HS6ST3: variants seen among roughly 807,000 people sequenced by gnomAD.
The protein encoded by HS6ST3 is heparan sulfate 6-O-sulfotransferase 3.
HS6ST3 carries 12 observed loss-of-function variants against 36.7 expected under a neutral mutation model. The observed-to-expected ratio is 0.33, with a 90% CI of 0.21 to 0.53. The LOEUF is 0.53. Ranked by LOEUF, HS6ST3 falls within the 20% of genes least tolerant of loss-of-function variation. The probability of loss-of-function intolerance (pLI) is 0.95; values close to 1 mark genes in which losing one functional copy is unlikely to be tolerated. For missense variants in HS6ST3, 584 were observed against 640.9 expected (o/e 0.91, Z 0.96); for synonymous variants, 240 against 257.5 (o/e 0.93, Z 0.65).
intron 1 of HS6ST3, among the ~76,000 whole-genome samples, chr13:96,197,965 G>T (rs1457668733): frequency 1.3e-5 from 2 of 152,202 alleles, no homozygotes; most frequent in East Asian, 1.9e-4. Flanking sequence ...CCTAACAGAG[G>T]TTCTCTGTGA....
At chr13:96,810,706 G>A (rs1878299781) in intron 1 of HS6ST3, among the ~76,000 whole-genome samples, 1 of 152,180 alleles carries the variant, frequency 6.6e-6, no homozygotes, top group Non-Finnish European at 1.5e-5. Flanking sequence ...AGAAAATAGA[G>A]GGAAAGCATG....
intron 1 of HS6ST3, among the ~76,000 whole-genome samples, chr13:96,341,930 A>T (rs16953103): frequency 0.014 from 2,179 of 152,256 alleles, 26 homozygotes; most frequent in East Asian, 0.054. Flanking sequence ...TGTAATTTAC[A>T]TATTTAGCAG....
chr13:96,744,439 A>G (rs948545504), intron 1 of HS6ST3, among the ~76,000 whole-genome samples: 2 of 152,078 alleles, frequency 1.3e-5, no homozygotes, highest in African/African-American at 4.8e-5. Context: ...ATGATTTTCT[A>G]TTCAGGATAT....
intron 1 of HS6ST3, among the ~76,000 whole-genome samples, chr13:96,731,500 T>A (rs1351196505): frequency 6.6e-6 from 1 of 152,208 alleles, no homozygotes. Context: ...TTTTCATAGA[T>A]ACTTAGGTTG....
At chr13:96,632,117 A>G (rs77380021) in intron 1 of HS6ST3, among the ~76,000 whole-genome samples, 2,961 of 152,238 alleles carry the variant, frequency 0.019, 65 homozygotes, top group Non-Finnish European at 0.027. Context: ...AATGCCTTAT[A>G]AAAGGGCTTA....
chr13:96,108,796 G>T (rs886145654), intron 1 of HS6ST3, among the ~76,000 whole-genome samples: 2 of 152,226 alleles, frequency 1.3e-5, no homozygotes, highest in Admixed American at 1.3e-4. Flanking sequence ...GCCACAGGAA[G>T]TTAAAGAAAG....
chr13:96,697,591 A>T (rs1302943288), intron 1 of HS6ST3, among the ~76,000 whole-genome samples: 1 of 152,190 alleles, frequency 6.6e-6, no homozygotes, highest in Admixed American at 6.5e-5. Flanking sequence ...GACCACCAGA[A>T]ATTTTTTAAA....
chr13:96,407,609 A>G (rs1328056), intron 1 of HS6ST3, among the ~76,000 whole-genome samples: 5,581 of 152,280 alleles, frequency 0.037, 163 homozygotes, highest in Non-Finnish European at 0.056. Context: ...TTAAATCAGT[A>G]GATAAGATTT....
rs570090400 is a variant in HS6ST3 at position 96,537,875 on chromosome 13, C to T, written c.708-294615C>T. 4.6e-5 allele frequency among the ~76,000 whole-genome samples: 7 copies of T among 152,142 alleles called. No individual in the cohort carries two copies. In the South Asian group the frequency reaches 1.5e-3, roughly 32 times the overall value. On this transcript the variant is annotated intron_variant, in intron 1 of 1. Transcript: ENST00000376705. The stretch of plus-strand genomic sequence containing the variant: ...GAGTCTGCCTCTGTTTGCAAAGGCA[C>T]AGGGTAAAATAGAGATTCATCATGG...
At chr13:96,455,750 T>C (rs1027092143) in intron 1 of HS6ST3, among the ~76,000 whole-genome samples, 4 of 152,226 alleles carry the variant, frequency 2.6e-5, no homozygotes, top group African/African-American at 9.6e-5. Context: ...TTTAGAATTT[T>C]GACTTTATTG....
intron 1 of HS6ST3, among the ~76,000 whole-genome samples, chr13:96,644,817 C>G (rs2056582880): frequency 6.6e-6 from 1 of 151,932 alleles, no homozygotes; most frequent in South Asian, 2.1e-4. Flanking sequence ...ATAGACAAAC[C>G]ATGCTTCAAA....
chr13:96,769,437 C>A, intron 1 of HS6ST3, among the ~76,000 whole-genome samples: 1 of 71,952 alleles, frequency 1.4e-5, no homozygotes, highest in Non-Finnish European at 2.5e-5. Context: ...CCAATGCTAT[C>A]CCTCCCCCCT....
In HS6ST3 at chr13:96,555,099, A is replaced by G. The variant is rs187257377; in HGVS notation, c.708-277391A>G. Among the ~76,000 whole-genome samples the G allele has an allele frequency of 1.6e-4, 24 of 152,020 alleles. No homozygotes were observed. The East Asian group carries it at 4.3e-3, about 27-fold the overall frequency. On this transcript the variant is annotated intron_variant, in intron 1 of 1. Transcript: ENST00000376705. Reference sequence around the variant, plus strand: ...TGTCTCAATACATATATACATACATACATACATACATACATGGTTCTGTAT... The same window carrying G: ...TGTCTCAATACATATATACATACATGCATACATACATACATGGTTCTGTAT...
chr13:96,518,170 G>A, intron 1 of HS6ST3, among the ~76,000 whole-genome samples: 1 of 152,090 alleles, frequency 6.6e-6, no homozygotes, highest in East Asian at 1.9e-4. Flanking sequence ...TCCTTGAAAT[G>A]CTTCCTTTCC....
intron 1 of HS6ST3, among the ~76,000 whole-genome samples, chr13:96,567,099 C>A (rs2056284042): frequency 6.6e-6 from 1 of 151,962 alleles, no homozygotes; most frequent in South Asian, 2.1e-4. Context: ...TGTTTAGTAT[C>A]ACTTTCCATT....
At chr13:96,663,268 C>G (rs953010032) in intron 1 of HS6ST3, among the ~76,000 whole-genome samples, 2 of 152,162 alleles carry the variant, frequency 1.3e-5, no homozygotes, top group Non-Finnish European at 1.5e-5. Flanking sequence ...TCAGTTTAGA[C>G]TGTTATTTAT....
chr13:96,736,838 A>C (rs1301780916), intron 1 of HS6ST3, among the ~76,000 whole-genome samples: 2 of 152,204 alleles, frequency 1.3e-5, no homozygotes, highest in Admixed American at 6.5e-5. Context: ...AAATTTTCAA[A>C]ATTTCTTTTA....
At chr13:96,331,464 C>T (rs1438451734) in intron 1 of HS6ST3, among the ~76,000 whole-genome samples, 5 of 152,094 alleles carry the variant, frequency 3.3e-5, no homozygotes, top group South Asian at 2.1e-4. Context: ...GTGCCCCTGC[C>T]GGGGGGATGC....
rs574114872 is a variant in HS6ST3, at chr13:96,806,821, G to T, written c.708-25669G>T. 3.9e-4 allele frequency among the ~76,000 whole-genome samples: 59 copies of T among 152,248 alleles called. No individual in the cohort carries two copies. In the South Asian group the frequency reaches 0.012, roughly 30 times the overall value. On this transcript the variant is annotated intron_variant, in intron 1 of 1. Transcript: ENST00000376705. ...TGCAGGTGAGATTCATATATTCTCA[G>T]ATTTTGACAGATTCTGGAATGTCCA...
Sources: gnomAD v4.1 joint callset for allele counts (sites outside exome capture counted in the v4.1 genomes callset) on GRCh38, gnomAD v4.1.1 for gene constraint, MANE v1.5 for transcripts, NCBI Gene and HGNC (gene_info 2026-07-23, HGNC 2026-07-21) for gene names.